The following INSR variants were observed in gnomAD, a reference collection of about 807,000 sequenced individuals.
INSR encodes insulin receptor, also known as IR.
INSR carries 67 observed loss-of-function variants against 142.6 expected under a neutral mutation model. That is an observed-to-expected ratio of 0.47 (90% CI 0.39 to 0.58). The LOEUF (loss-of-function observed/expected upper bound fraction) is 0.58, where lower values mean the gene tolerates loss of function less well. INSR is among the 20% of genes least tolerant of loss of function. The pLI, the probability that INSR is intolerant of heterozygous loss-of-function variation, is 0.00. For synonymous variants in INSR, 756 were observed against 743.1 expected, an observed-to-expected ratio of 1.02 and a Z score of -0.28; for missense variants, 1,248 against 1,833.2, an observed-to-expected ratio of 0.68 and a Z score of 5.83.
intron 3 of INSR, among the ~76,000 whole-genome samples, chr19:7,182,797 A>T (rs1974307643): frequency 6.6e-6 from 1 of 151,436 alleles, no homozygotes; most frequent in Non-Finnish European, 1.5e-5. Context: ...TTAAACAAAC[A>T]TCTTGCCAGA....
chr19:7,177,623 G>A (rs1440253779), intron 3 of INSR, among the ~76,000 whole-genome samples: 1 of 150,978 alleles, frequency 6.6e-6, no homozygotes, highest in Non-Finnish European at 1.5e-5. Flanking sequence ...CGCCTCCCAG[G>A]TTCAAGTGAT....
At position 7,294,283 on chromosome 19, in the gene INSR, C is replaced by T. The variant is rs1968580616; in HGVS notation, c.-392G>A. ...AGGGACGCGCGGACCGACGGACTAG[C>T]TGACTGGCGGGCGGGCACCTGGGCT... On this transcript the variant is annotated 5_prime_UTR_variant, in exon 1 of 22. Coordinates refer to ENST00000302850, the MANE Select transcript of INSR (RefSeq NM_000208.4). 1.3e-5 allele frequency among the ~76,000 whole-genome samples: 2 copies of T among 148,338 alleles called. 1 individual carries two copies. The highest frequency in any genetic ancestry group is 4.3e-4 in the South Asian group (2 of 4,666).
At position 7,134,722 on chromosome 19, in the gene INSR, G is replaced by T. The variant is rs1056555877; in HGVS notation, c.2683-2405C>A. ...AGAGTTTGTAGTGAGTCGAGATCGT[G>T]ACACTGCACTCCAGCCTGGGCAACA... On this transcript the variant is annotated intron_variant, in intron 13 of 21. Transcript: ENST00000302850. Among the ~76,000 whole-genome samples, 96 of 152,096 alleles carry T rather than the reference G, an allele frequency of 6.3e-4. 1 individual carries two copies. Among genetic ancestry groups the T allele is most frequent in the African/African-American group, 2.0e-3 (84 of 41,478 alleles).
chr19:7,125,394 C>A lies in INSR; in HGVS notation c.3147G>T (p.Glu1049Asp). Residue 1049 changes from glutamate to aspartate, a missense_variant, in exon 17 of 22, where the codon GAG (glutamate) becomes GAT (aspartate). Glu to Asp is a conservative substitution (Grantham distance 45). This residue lies in a region of INSR where 1,069 missense variants were observed against 1,654.0 expected (regional missense o/e 0.65). Coordinates refer to ENST00000302850, the MANE Select transcript of INSR (RefSeq NM_000208.4). The surrounding 1 kb of genome is among the most constrained non-coding windows in gnomAD (Gnocchi z 4.9). ...TCTTCACCGCCACGCGGGTCTCTGC[C>A]TCACCCTTGATGATGTCCCTGGCAT... is the stretch of plus-strand genomic sequence containing the variant. Reference protein sequence around the residue: ...EGNARDIIKGEAETRVAVKTV... With the variant: ...EGNARDIIKGDAETRVAVKTV... 6.2e-7 allele frequency: 1 copy of A among 1,614,172 alleles called. No individual in the cohort carries two copies. Among genetic ancestry groups the A allele is most frequent in the Non-Finnish European group, 8.5e-7 (1 of 1,180,036 alleles).
intron 13 of INSR, among the ~76,000 whole-genome samples, chr19:7,134,668 G>A: frequency 6.6e-6 from 1 of 151,988 alleles, no homozygotes; most frequent in South Asian, 2.1e-4. Context: ...GAGAGGCTGA[G>A]GCAGGAGAAT....
chr19:7,141,609 T>C (rs1463463284), intron 13 of INSR, 68 bp downstream of exon 13: 1 of 1,602,098 alleles, frequency 6.2e-7, no homozygotes, highest in Non-Finnish European at 8.5e-7. Flanking sequence ...AGGAAGGAGG[T>C]ACCAAGTGCA....
intron 2 of INSR, among the ~76,000 whole-genome samples, chr19:7,184,932 C>T (rs1292795180): frequency 6.6e-6 from 1 of 152,154 alleles, no homozygotes; most frequent in Non-Finnish European, 1.5e-5. Flanking sequence ...TTGCCGATTT[C>T]CATGGTGTAA....
Position 7,172,313 on chromosome 19 carries a change from A to T in INSR, c.1245T>A (p.Ile415=), listed in dbSNP as rs745742438. The T allele has an allele frequency of 3.1e-6, 5 of 1,614,172 alleles. No individual in the cohort carries two copies. In the Admixed American group the frequency reaches 6.7e-5, roughly 22 times the overall value. ...ACCCAATTTCCAAGGTCTCTCCTCG[A>T]ATCAGACGTAACTTCCGGAAGAAGG... ...SLSFFRKLRL[I]RGETLEIGNY... is the part of the protein sequence containing the mutation. The change falls in exon 5 of 22, where the codon ATT becomes ATA. Residue 415 remains isoleucine, a synonymous_variant. Coordinates refer to ENST00000302850, the MANE Select transcript of INSR (RefSeq NM_000208.4).
intron 13 of INSR, among the ~76,000 whole-genome samples, chr19:7,132,593 CTTT>C (rs759007156): frequency 6.9e-6 from 1 of 144,496 alleles, no homozygotes; most frequent in African/African-American, 2.5e-5. Context: ...TTTTCTTTTC[CTTT>C]TTTTTTTTTT....
intron 2 of INSR, among the ~76,000 whole-genome samples, chr19:7,234,634 A>G (rs911610801): frequency 9.2e-5 from 14 of 152,188 alleles, no homozygotes; most frequent in Non-Finnish European, 1.6e-4. Flanking sequence ...CAAGTGTACA[A>G]TCTATCCAGG....
intron 2 of INSR, among the ~76,000 whole-genome samples, chr19:7,250,651 C>T (rs750110519): frequency 2.5e-4 from 38 of 150,536 alleles, no homozygotes; most frequent in Non-Finnish European, 5.0e-4. Context: ...TTCGGGCAAC[C>T]GTGTTTAAAA....
chr19:7,188,111 C>A (rs915699116), intron 2 of INSR, among the ~76,000 whole-genome samples: 3 of 152,116 alleles, frequency 2.0e-5, no homozygotes, highest in African/African-American at 7.2e-5. Context: ...CCCTTGTCCC[C>A]TTGTGACTTG....
chr19:7,248,593 T>A lies in INSR; in HGVS notation c.652+18752A>T, dbSNP rs192552290. Among the ~76,000 whole-genome samples the A allele has an allele frequency of 1.3e-4, 18 of 139,698 alleles. No individual in the cohort carries two copies. In the Admixed American group the frequency reaches 1.3e-3, roughly 10 times the overall value. 91.6% of individuals were successfully genotyped at this position (139,698 alleles called of 152,430 possible). A position where few individuals can be genotyped will look rare whatever the true frequency, so the allele number is the denominator to read the frequency against. Reference sequence around the variant, plus strand: ...GAAAGACTTTAAGGGACAAATAGCATGAGGAAAATGAAGTTATGAGTAAAC... The same window carrying A: ...GAAAGACTTTAAGGGACAAATAGCAAGAGGAAAATGAAGTTATGAGTAAAC... On this transcript the variant is annotated intron_variant, in intron 2 of 21. Coordinates refer to ENST00000302850, the MANE Select transcript of INSR (RefSeq NM_000208.4).
chr19:7,213,350 A>G (rs1266651683), intron 2 of INSR, among the ~76,000 whole-genome samples: 1 of 148,316 alleles, frequency 6.7e-6, no homozygotes, highest in Non-Finnish European at 1.5e-5. Context: ...TCAAAAAAAA[A>G]AAAAAAAAAC....
chr19:7,174,779 T>A lies in INSR; in HGVS notation c.975-48A>T, dbSNP rs370436825. On this transcript the variant is annotated intron_variant, in intron 3 of 21. Transcript: ENST00000302850. ...GAGAAAGAGAAAGGGGAGGGGGGTG[T>A]CACGGTATCCAAGGTCCTTCAGACA... 1.3e-4 allele frequency: 205 copies of A among 1,579,834 alleles called. No homozygotes were observed. In the African/African-American group the frequency reaches 2.4e-3, roughly 19 times the overall value.
chr19:7,176,166 A>C (rs1974130688), intron 3 of INSR, among the ~76,000 whole-genome samples: 1 of 152,114 alleles, frequency 6.6e-6, no homozygotes, highest in African/African-American at 2.4e-5. Context: ...TCTCATGTCA[A>C]ATTGTAATCC....
At chr19:7,124,945 T>C (rs949727506) in intron 17 of INSR, among the ~76,000 whole-genome samples, 5 of 151,416 alleles carry the variant, frequency 3.3e-5, no homozygotes, top group Non-Finnish European at 7.4e-5. Context: ...TAAAAAGCAA[T>C]GGAAGATTGT....
chr19:7,149,580 G>A (rs950274153), intron 11 of INSR, among the ~76,000 whole-genome samples: 5 of 152,128 alleles, frequency 3.3e-5, no homozygotes, highest in African/African-American at 7.2e-5. Context: ...CCAGCACTTT[G>A]GGAGGCCGAG....
rs886054669 is a variant in INSR at position 7,114,651 on chromosome 19, T to A, written c.*2405A>T. The A allele has an allele frequency of 6.6e-6, 1 of 152,610 alleles. No individual in the cohort carries two copies. The highest frequency in any genetic ancestry group is 1.5e-5 in the Non-Finnish European group (1 of 68,024). The allele number at this position is 152,610 out of a possible 1,614,324, so 9.5% of individuals were successfully genotyped here. ...CCATGATTGAATCACATCTTAACAA[T>A]ACACTGAGGTAGACTGTGCTGAAAA... is the stretch of plus-strand genomic sequence containing the variant. On this transcript the variant is annotated 3_prime_UTR_variant, in exon 22 of 22. Coordinates refer to ENST00000302850, the MANE Select transcript of INSR (RefSeq NM_000208.4).
Sources: gnomAD v4.1 joint callset for allele counts (sites outside exome capture counted in the v4.1 genomes callset) on GRCh38, gnomAD v4.1.1 for gene constraint, gnomAD v4.1.1 regional missense constraint, Gnocchi (gnomAD v3.1) non-coding constraint, MANE v1.5 for transcripts, NCBI Gene and HGNC (gene_info 2026-07-23, HGNC 2026-07-21) for gene names.